MAGI1: variants seen among roughly 807,000 people sequenced by gnomAD.
The protein encoded by MAGI1 is membrane associated guanylate kinase, WW and PDZ domain containing 1.
A neutral mutation model predicts 139.9 loss-of-function variants in MAGI1; 58 were observed. That is an observed-to-expected ratio of 0.41 (90% CI 0.34 to 0.52). The LOEUF is 0.52. Among genes scored for constraint, MAGI1 ranks in the 20% least tolerant of loss-of-function variants. The pLI is 0.12. For synonymous variants in MAGI1, 812 were observed against 737.9 expected, an observed-to-expected ratio of 1.10 and a Z score of -1.63; for missense variants, 1,874 against 1,901.6, an observed-to-expected ratio of 0.99 and a Z score of 0.27.
chr3:65,692,928 T>C (rs1391896419), intron 1 of MAGI1, among the ~76,000 whole-genome samples: 1 of 152,096 alleles, frequency 6.6e-6, no homozygotes, highest in African/African-American at 2.4e-5. Flanking sequence ...TATTGCTTTT[T>C]TGAGACAGGG....
At chr3:65,509,660 C>T (rs965782145) in intron 2 of MAGI1, among the ~76,000 whole-genome samples, 10 of 152,142 alleles carry the variant, frequency 6.6e-5, no homozygotes, top group Admixed American at 5.9e-4. Flanking sequence ...CCTACGCCCA[C>T]GGAATCTCGC....
Position 65,379,353 on chromosome 3 carries a change from G to T in MAGI1, c.2903C>A (p.Pro968His). The T allele has an allele frequency of 6.2e-7, 1 of 1,613,270 alleles. No individual in the cohort carries two copies. The highest frequency in any genetic ancestry group is 8.5e-7 in the Non-Finnish European group (1 of 1,179,622). The change falls in exon 17 of 23, where the codon CCC (proline) becomes CAC (histidine). Residue 968 changes from proline (P) to histidine (H), a missense_variant. Physicochemically the swap from Pro to His is moderately conservative, Grantham distance 77. This residue lies in a region of MAGI1 where 482 missense variants were observed against 509.6 expected (regional missense o/e 0.95). Coordinates refer to ENST00000402939, the MANE Select transcript of MAGI1 (RefSeq NM_001033057.2). ...GSGVVSTVVQ[P>H]YDVEIRRGEN... is the part of the protein sequence containing the mutation. The stretch of plus-strand genomic sequence containing the variant: ...CCCGCGCCGGATCTCCACGTCGTAG[G>T]GCTGCACCACGGTGCTGACCACGCC...
At chr3:65,631,782 G>A (rs554750139) in intron 1 of MAGI1, among the ~76,000 whole-genome samples, 1 of 152,162 alleles carries the variant, frequency 6.6e-6, no homozygotes, top group East Asian at 1.9e-4. Flanking sequence ...GGGAGGCTGA[G>A]GCAGGTGGAT....
chr3:65,434,875 C>T (rs1377948810), intron 10 of MAGI1, among the ~76,000 whole-genome samples: 1 of 152,164 alleles, frequency 6.6e-6, no homozygotes, highest in Non-Finnish European at 1.5e-5. Flanking sequence ...GTTCAGTGAG[C>T]CTGAACCTTC....
At chr3:65,401,369 C>CCCAG in intron 13 of MAGI1, 70 bp downstream of exon 13, 6 of 1,187,578 alleles carry the variant, frequency 5.1e-6, no homozygotes, top group Non-Finnish European at 7.3e-6. Context: ...ACACAGAGTA[C>CCCAG]CCTCCCACCT....
At chr3:65,437,530 C>A (rs775976576) in intron 9 of MAGI1, among the ~76,000 whole-genome samples, 1 of 151,720 alleles carries the variant, frequency 6.6e-6, no homozygotes, top group Non-Finnish European at 1.5e-5. Context: ...TCAGGAAAGA[C>A]ATACAGTCAA....
At chr3:65,992,168 T>C (rs1430262896) in intron 1 of MAGI1, among the ~76,000 whole-genome samples, 1 of 152,110 alleles carries the variant, frequency 6.6e-6, no homozygotes, top group Non-Finnish European at 1.5e-5. Context: ...CCTCAAGAAG[T>C]TGTAGGAGAA....
intron 1 of MAGI1, among the ~76,000 whole-genome samples, chr3:65,936,863 C>T (rs1178857646): frequency 2.6e-5 from 4 of 151,962 alleles, no homozygotes; most frequent in African/African-American, 9.7e-5. Context: ...TCCTGAGTAG[C>T]TGGGGCTACA....
chr3:65,861,368 A>AC (rs1319482996), intron 1 of MAGI1, among the ~76,000 whole-genome samples: 1 of 152,194 alleles, frequency 6.6e-6, no homozygotes, highest in Non-Finnish European at 1.5e-5. Context: ...CAGCCAGGCC[A>AC]GTGTCACTCT....
intron 1 of MAGI1, among the ~76,000 whole-genome samples, chr3:65,998,676 T>C (rs910414251): frequency 6.6e-6 from 1 of 152,156 alleles, no homozygotes; most frequent in Admixed American, 6.5e-5. Flanking sequence ...TCTGAAACCA[T>C]TTGATGGTTT....
At chr3:65,555,206 G>A (rs533040560) in intron 2 of MAGI1, among the ~76,000 whole-genome samples, 11 of 152,198 alleles carry the variant, frequency 7.2e-5, no homozygotes, top group African/African-American at 2.6e-4. Flanking sequence ...GTATTTTAAA[G>A]GCCCACCCAT....
At chr3:65,999,603 T>G (rs950618712) in intron 1 of MAGI1, among the ~76,000 whole-genome samples, 2 of 151,952 alleles carry the variant, frequency 1.3e-5, no homozygotes, top group African/African-American at 4.8e-5. Flanking sequence ...CCTTGGGAAG[T>G]TAATCGTTTT....
chr3:65,650,311 G>A (rs1341029789), intron 1 of MAGI1, among the ~76,000 whole-genome samples: 1 of 152,154 alleles, frequency 6.6e-6, no homozygotes, highest in Non-Finnish European at 1.5e-5. Flanking sequence ...AATGGACCAA[G>A]ACACCCAGCA....
At chr3:65,481,716 C>T (rs959438615) in intron 3 of MAGI1, among the ~76,000 whole-genome samples, 9 of 152,146 alleles carry the variant, frequency 5.9e-5, no homozygotes, top group African/African-American at 1.7e-4. Flanking sequence ...AATTATTAAT[C>T]ATTTAAAATC....
intron 1 of MAGI1, among the ~76,000 whole-genome samples, chr3:65,979,783 C>G (rs567141821): frequency 2.0e-4 from 31 of 152,260 alleles, no homozygotes; most frequent in African/African-American, 7.2e-4. Context: ...ACTCCAGTGT[C>G]GGGCTGCATA....
intron 1 of MAGI1, chr3:65,687,615 A>G: frequency 2.4e-6 from 1 of 414,830 alleles, no homozygotes; most frequent in East Asian, 6.4e-5. Context: ...GATAGGTGGG[A>G]TCCTATAAAA....
At chr3:65,874,521 T>C (rs2060046053) in intron 1 of MAGI1, 1 of 152,188 alleles carries the variant, frequency 6.6e-6, no homozygotes, top group Non-Finnish European at 1.5e-5. Flanking sequence ...CATTAAGAGA[T>C]GGGCAACATC....
At chr3:65,672,132 A>G (rs2086899543) in intron 1 of MAGI1, among the ~76,000 whole-genome samples, 1 of 152,204 alleles carries the variant, frequency 6.6e-6, no homozygotes, top group East Asian at 1.9e-4. Context: ...TGAATTTACT[A>G]GAAACCTTGA....
intron 1 of MAGI1, among the ~76,000 whole-genome samples, chr3:65,762,096 C>T (rs2037078832): frequency 2.0e-5 from 3 of 152,032 alleles, no homozygotes; most frequent in African/African-American, 4.8e-5. Context: ...AACTCACTAT[C>T]CAGGGCTCAC....
Sources: allele counts gnomAD v4.1 joint callset (sites outside exome capture counted in the v4.1 genomes callset), GRCh38; gene constraint gnomAD v4.1.1; regional missense constraint gnomAD v4.1.1; transcripts MANE v1.5; gene names NCBI Gene and HGNC (gene_info 2026-07-23, HGNC 2026-07-21).